Variants in HDGFL3 observed in about 807,000 individuals in gnomAD.
HDGFL3 encodes the protein hepatoma-derived growth factor-related protein 3.
A neutral mutation model predicts 27.6 loss-of-function variants in HDGFL3; 6 were observed. That is an observed-to-expected ratio of 0.22 (90% CI 0.12 to 0.43). The LOEUF (loss-of-function observed/expected upper bound fraction) is 0.43, where lower values mean the gene tolerates loss of function less well. HDGFL3 is among the 20% of genes least tolerant of loss of function. HDGFL3 has a pLI of 1.00. For missense variants in HDGFL3, 207 were observed against 250.1 expected, an observed-to-expected ratio of 0.83 and a Z score of 1.16; for synonymous variants, 88 against 88.9, an observed-to-expected ratio of 0.99 and a Z score of 0.05.
At chr15:83,118,961 C>G (rs1703558880) in intron 3 of HDGFL3, among the ~76,000 whole-genome samples, 1 of 152,124 alleles carries the variant, frequency 6.6e-6, no homozygotes, top group African/African-American at 2.4e-5. Context: ...GCTACGTGAC[C>G]TTAGGAAAGT....
intron 3 of HDGFL3, 90 bp downstream of exon 3, chr15:83,157,813 A>G: frequency 2.5e-6 from 3 of 1,212,144 alleles, no homozygotes; most frequent in Non-Finnish European, 3.6e-6. Context: ...CAAGGTAACT[A>G]TTAGTAGAAA....
At chr15:83,160,094 A>C (rs2037079745) in intron 2 of HDGFL3, among the ~76,000 whole-genome samples, 1 of 152,216 alleles carries the variant, frequency 6.6e-6, no homozygotes, top group Admixed American at 6.5e-5. Flanking sequence ...AAGTGGTCAG[A>C]TCCTGAATTC....
At chr15:83,124,538 A>G, downstream of HDGFL3, 2 of 653,820 alleles carry the variant, frequency 3.1e-6, no homozygotes, top group Non-Finnish European at 5.3e-6. Context: ...CTAAAGTTCC[A>G]TGGCCAGTGA....
chr15:83,201,602 T>A (rs1300728854), intron 1 of HDGFL3, among the ~76,000 whole-genome samples: 5 of 152,186 alleles, frequency 3.3e-5, no homozygotes, highest in African/African-American at 1.2e-4. Context: ...TCAATGAAGT[T>A]GTACATAATT....
Position 83,134,448 on chromosome 15 carries a change from C to G in HDGFL3, c.*4822G>C, listed in dbSNP as rs1490881828. ...ATGTTGGCCAGGCTCGTCTTGAACT[C>G]CTGACCTCAGGTGATCCACCCGCCT... On this transcript the variant is annotated 3_prime_UTR_variant, in exon 6 of 6. Coordinates refer to ENST00000299633, the MANE Select transcript of HDGFL3 (RefSeq NM_016073.4). The G allele has an allele frequency of 6.6e-6, 1 of 152,212 alleles. No individual in the cohort carries two copies. The highest frequency in any genetic ancestry group is 1.5e-5 in the Non-Finnish European group (1 of 68,074). 9.4% of individuals were successfully genotyped at this position (152,212 alleles called of 1,614,324 possible). A position where few individuals can be genotyped will look rare whatever the true frequency, so the allele number is the denominator to read the frequency against.
rs1231777138 is a variant in HDGFL3, at chr15:83,134,588, G to A, written c.*4682C>T. The A allele has an allele frequency of 1.3e-5, 2 of 152,216 alleles. No individual in the cohort carries two copies. The highest frequency in any genetic ancestry group is 4.8e-5 in the African/African-American group (2 of 41,448). The allele number at this position is 152,216 out of a possible 1,614,324, so 9.4% of individuals were successfully genotyped here. On this transcript the variant is annotated 3_prime_UTR_variant, in exon 6 of 6. Transcript: ENST00000299633. ...AGTGAGGTATTAACTGCACTGGTTA[G>A]TGCAGGAAAAGAGCCTACGGAATCA...
At chr15:83,159,119 G>A (rs951244315) in intron 2 of HDGFL3, among the ~76,000 whole-genome samples, 1 of 152,042 alleles carries the variant, frequency 6.6e-6, no homozygotes, top group Admixed American at 6.6e-5. Flanking sequence ...GGGATTACAG[G>A]CATAAGCCAC....
At chr15:83,200,138 T>C (rs1444322167) in intron 1 of HDGFL3, among the ~76,000 whole-genome samples, 1 of 149,596 alleles carries the variant, frequency 6.7e-6, no homozygotes, top group Non-Finnish European at 1.5e-5. Context: ...GGTCAGGAGA[T>C]TGAGACCATC....
In HDGFL3 at chr15:83,131,465, T is replaced by G. The variant is rs2036244916; in HGVS notation, c.*7805A>C. 6.6e-6 allele frequency: 1 copy of G among 152,162 alleles called. No individual in the cohort carries two copies. The highest frequency in any genetic ancestry group is 6.6e-5 in the Admixed American group (1 of 15,258). The allele number at this position is 152,162 out of a possible 1,614,324, so 9.4% of individuals were successfully genotyped here. A position where few individuals can be genotyped will look rare whatever the true frequency, so the allele number is the denominator to read the frequency against. On this transcript the variant is annotated 3_prime_UTR_variant, in exon 6 of 6. Coordinates refer to ENST00000299633, the MANE Select transcript of HDGFL3 (RefSeq NM_016073.4). ...GGCCAACATGACGAAACCCCGTCTC[T>G]ACTAAAAATACAAAAAATTAGCTGG...
At chr15:83,188,021 T>C (rs2037467089) in intron 1 of HDGFL3, among the ~76,000 whole-genome samples, 1 of 152,140 alleles carries the variant, frequency 6.6e-6, no homozygotes, top group Admixed American at 6.5e-5. Context: ...TTTTAGCAGA[T>C]ATTACCAGAA....
At chr15:83,182,858 AT>A (rs1482880869) in intron 1 of HDGFL3, among the ~76,000 whole-genome samples, 8 of 152,246 alleles carry the variant, frequency 5.3e-5, no homozygotes, top group African/African-American at 1.9e-4. Flanking sequence ...TACATAAAAA[AT>A]AAGATAGCTT....
rs947792112 is a variant in HDGFL3, at chr15:83,136,470, A to G, written c.*2800T>C. The G allele has an allele frequency of 1.3e-6, 2 of 1,548,070 alleles. No individual in the cohort carries two copies. The highest frequency in any genetic ancestry group is 1.7e-6 in the Non-Finnish European group (2 of 1,151,992). On this transcript the variant is annotated 3_prime_UTR_variant, in exon 6 of 6. Transcript: ENST00000299633. Reference sequence around the variant, plus strand: ...CATGCTTACTCAATTTTTTTTTTTTAAATGCAACAGGCTCAGTTTTCTCAC... The same window carrying G: ...CATGCTTACTCAATTTTTTTTTTTTGAATGCAACAGGCTCAGTTTTCTCAC...
intron 1 of HDGFL3, among the ~76,000 whole-genome samples, chr15:83,189,045 T>C (rs932926702): frequency 6.6e-6 from 1 of 152,076 alleles, no homozygotes; most frequent in Non-Finnish European, 1.5e-5. Context: ...CATCACTGTG[T>C]CCTTCAATTA....
intron 1 of HDGFL3, among the ~76,000 whole-genome samples, chr15:83,183,766 GA>G (rs58129931): frequency 0.36 from 48,451 of 133,422 alleles, 8,693 homozygotes; most frequent in African/African-American, 0.5. Flanking sequence ...TCAAAAAAAA[GA>G]AAAAAAAAAA....
At chr15:83,158,177 G>A in intron 2 of HDGFL3, 136 bp from the exon 3 acceptor site, 1 of 682,456 alleles carries the variant, frequency 1.5e-6, no homozygotes. Flanking sequence ...TTCAAGTTAG[G>A]CACATATTAC....
chr15:83,198,845 C>T (rs2037602987), intron 1 of HDGFL3, among the ~76,000 whole-genome samples: 1 of 152,182 alleles, frequency 6.6e-6, no homozygotes, highest in Non-Finnish European at 1.5e-5. Context: ...TACCCAAACA[C>T]CTCTCGCTAG....
Position 83,157,479 on chromosome 15 carries a change from T to C in HDGFL3, c.395A>G (p.Asp132Gly). 1 of 1,613,268 alleles carries C rather than the reference T, an allele frequency of 6.2e-7. No homozygotes were observed. Among genetic ancestry groups the C allele is most frequent in the Non-Finnish European group, 8.5e-7 (1 of 1,179,204 alleles). ...SEEEGDRVEE[D>G]GKGKRKNEKA... ...TTCATTCTTTCTTTTGCCTTTTCCA[T>C]CTTCTTCTACTCTATCACCTTCTTC... Residue 132 changes from aspartate (D) to glycine (G), a missense_variant, in exon 4 of 6, where the codon GAT becomes GGT. Physicochemically the swap from Asp to Gly is moderately conservative, Grantham distance 94. Coordinates refer to ENST00000299633, the MANE Select transcript of HDGFL3 (RefSeq NM_016073.4).
rs537646591 is a variant in HDGFL3 at position 83,182,479 on chromosome 15, C to T, written c.85-18404G>A. Among the ~76,000 whole-genome samples the T allele has an allele frequency of 2.0e-5, 3 of 152,224 alleles. No individual in the cohort carries two copies. In the South Asian group the frequency reaches 6.2e-4, roughly 32 times the overall value. ...ACTATGGCATATTCATACAAGGGAA[C>T]ACTACTAATATATACAATAACATGA... is the stretch of plus-strand genomic sequence containing the variant. On this transcript the variant is annotated intron_variant, in intron 1 of 5. Transcript: ENST00000299633.
intron 1 of HDGFL3, among the ~76,000 whole-genome samples, chr15:83,181,632 C>T (rs113530051): frequency 0.044 from 6,731 of 152,198 alleles, 208 homozygotes; most frequent in Non-Finnish European, 0.068. Context: ...TGTGCCACCA[C>T]GCCCGGCTAA....
Sources: gnomAD v4.1 joint callset for allele counts (sites outside exome capture counted in the v4.1 genomes callset) on GRCh38, gnomAD v4.1.1 for gene constraint, MANE v1.5 for transcripts, NCBI Gene and HGNC (gene_info 2026-07-23, HGNC 2026-07-21) for gene names.